GABRA5: variants seen among roughly 807,000 people sequenced by gnomAD.
The protein encoded by GABRA5 is gamma-aminobutyric acid type A receptor subunit alpha5, also known as gamma-aminobutyric acid receptor subunit alpha-5.
In GABRA5, 18 loss-of-function variants were observed where a neutral mutation model predicts 47.3. That is an observed-to-expected ratio of 0.38 (90% CI 0.26 to 0.56). The LOEUF is 0.56. GABRA5 is among the 20% of genes least tolerant of loss of function. GABRA5 has a pLI of 0.71. For synonymous variants in GABRA5, 237 were observed against 229.3 expected (o/e 1.03, Z -0.30); for missense variants, 365 against 599.3 (o/e 0.61, Z 4.08).
intron 3 of GABRA5, among the ~76,000 whole-genome samples, chr15:26,870,894 T>C (rs1208078047): frequency 1.3e-5 from 2 of 152,196 alleles, no homozygotes; most frequent in African/African-American, 4.8e-5. Flanking sequence ...ATATTTTCTT[T>C]AAAATATCTT....
chr15:26,932,627 G>C (rs1022407714), intron 7 of GABRA5, among the ~76,000 whole-genome samples: 6 of 152,064 alleles, frequency 3.9e-5, no homozygotes, highest in African/African-American at 1.2e-4. Context: ...ATATACAAAG[G>C]AATATAAATC....
chr15:26,897,375 G>A (rs886685436), intron 6 of GABRA5, among the ~76,000 whole-genome samples: 2 of 152,136 alleles, frequency 1.3e-5, no homozygotes, highest in Non-Finnish European at 2.9e-5. Context: ...CACAGGGAGA[G>A]GACAGCCATC....
chr15:26,884,284 G>A (rs1892821048), intron 6 of GABRA5, among the ~76,000 whole-genome samples: 1 of 152,080 alleles, frequency 6.6e-6, no homozygotes, highest in South Asian at 2.1e-4. Context: ...CACATGCTTG[G>A]ATAACATTCC....
intron 6 of GABRA5, among the ~76,000 whole-genome samples, chr15:26,891,154 G>C (rs1254719846): frequency 6.6e-6 from 1 of 152,136 alleles, no homozygotes; most frequent in South Asian, 2.1e-4. Flanking sequence ...CCATGCTTTG[G>C]ACTCTCGGGC....
At position 26,943,436 on chromosome 15, in the gene GABRA5, A is replaced by G. The variant is rs548961867; in HGVS notation, c.1089+10A>G. On this transcript the variant is annotated intron_variant, in intron 10 of 10. Coordinates refer to ENST00000335625, the MANE Select transcript of GABRA5 (RefSeq NM_000810.4). ...AGCAGCCAAGATCAAGGTACTGACT[A>G]TTTCTCCTCCTTTCTTCCAGGTCCC... The G allele has an allele frequency of 4.5e-6, 7 of 1,572,544 alleles. No individual in the cohort carries two copies. The South Asian group carries it at 4.7e-5, about 11-fold the overall frequency.
At chr15:26,932,954 T>TG (rs746715298) in intron 7 of GABRA5, among the ~76,000 whole-genome samples, 2 of 151,596 alleles carry the variant, frequency 1.3e-5, no homozygotes, top group African/African-American at 2.4e-5. Flanking sequence ...GGTGGGGTAG[T>TG]GCGGGGAGGG....
chr15:26,937,613 A>G (rs1210416197), intron 8 of GABRA5, among the ~76,000 whole-genome samples: 1 of 152,210 alleles, frequency 6.6e-6, no homozygotes, highest in Non-Finnish European at 1.5e-5. Flanking sequence ...TAAGCAGGAA[A>G]GGTAGACAGC....
chr15:26,939,453 G>T (rs777695935), intron 8 of GABRA5: 2 of 759,878 alleles, frequency 2.6e-6, no homozygotes, highest in South Asian at 2.7e-5. Context: ...CTGCACCTGC[G>T]ACACAGCCAG....
chr15:26,930,546 T>A (rs1169360902), intron 7 of GABRA5, among the ~76,000 whole-genome samples: 5 of 152,196 alleles, frequency 3.3e-5, no homozygotes, highest in African/African-American at 1.2e-4. Context: ...CAGTTTCCAA[T>A]AACATGTTCC....
chr15:26,871,863 G>T (rs1042723471), intron 3 of GABRA5, among the ~76,000 whole-genome samples: 2 of 152,208 alleles, frequency 1.3e-5, no homozygotes, highest in African/African-American at 4.8e-5. Flanking sequence ...TTCCTGTAGT[G>T]AACGTATTTG....
chr15:26,917,070 T>C (rs1893733341), intron 7 of GABRA5, among the ~76,000 whole-genome samples: 1 of 152,126 alleles, frequency 6.6e-6, no homozygotes, highest in Non-Finnish European at 1.5e-5. Flanking sequence ...TTTCCTTTTC[T>C]TGTTGAATCG....
Position 26,940,091 on chromosome 15 carries a change from A to C in GABRA5, c.877+14A>C. ...GGACAGTTTTTGGTGAGTGTCCCCA[A>C]GCCAGGCCTGGACACTGGTGTTTTG... On this transcript the variant is annotated intron_variant, in intron 9 of 10. Transcript: ENST00000335625. The C allele has an allele frequency of 6.2e-7, 1 of 1,605,456 alleles. No individual in the cohort carries two copies. The highest frequency in any genetic ancestry group is 2.2e-5 in the East Asian group (1 of 44,600).
chr15:26,893,047 G>A (rs1893051140), intron 6 of GABRA5, among the ~76,000 whole-genome samples: 1 of 151,342 alleles, frequency 6.6e-6, no homozygotes, highest in African/African-American at 2.4e-5. Flanking sequence ...GGAGTGTGGT[G>A]TGTCTGTTGT....
Position 26,883,581 on chromosome 15 carries a change from G to T in GABRA5, c.497+24G>T. 1 of 1,462,896 alleles carries T rather than the reference G, an allele frequency of 6.8e-7. No individual in the cohort carries two copies. The allele number at this position is 1,462,896 out of a possible 1,614,324, so 90.6% of individuals were successfully genotyped here. On this transcript the variant is annotated intron_variant, in intron 6 of 10. Transcript: ENST00000335625. The surrounding 1 kb of genome is among the most constrained non-coding windows in gnomAD (Gnocchi z 4.8). ...CGGTGAGCGCCGGGCGGGGGCGGGC[G>T]GGGCCGGGGGACGGTGCGGGGCAGG...
intron 6 of GABRA5, among the ~76,000 whole-genome samples, chr15:26,884,503 TA>T (rs942264306): frequency 2.6e-5 from 4 of 151,964 alleles, no homozygotes; most frequent in South Asian, 2.1e-4. Context: ...AAAGTCAAGT[TA>T]AAAAAAAGGA....
intron 6 of GABRA5, among the ~76,000 whole-genome samples, chr15:26,896,963 A>G (rs1346762126): frequency 1.5e-5 from 1 of 66,764 alleles, no homozygotes; most frequent in Non-Finnish European, 3.7e-5. Context: ...ACAGATGTAG[A>G]GAAAAAAATC....
intron 7 of GABRA5, among the ~76,000 whole-genome samples, chr15:26,930,180 T>C (rs926815978): frequency 9.9e-5 from 15 of 151,926 alleles, no homozygotes; most frequent in African/African-American, 3.6e-4. Flanking sequence ...GCCTGGCTAA[T>C]TTTTGTATTT....
At chr15:26,876,791 G>A (rs764271825) in intron 3 of GABRA5, among the ~76,000 whole-genome samples, 9 of 152,298 alleles carry the variant, frequency 5.9e-5, no homozygotes, top group East Asian at 3.9e-4. Flanking sequence ...GTATTAGAGC[G>A]GATGTGCTTG....
At chr15:26,894,188 A>G (rs1893117631) in intron 6 of GABRA5, among the ~76,000 whole-genome samples, 1 of 152,128 alleles carries the variant, frequency 6.6e-6, no homozygotes, top group Non-Finnish European at 1.5e-5. Context: ...CCTCACTTGG[A>G]CAAAGGTGGA....
Sources: gnomAD v4.1 joint callset for allele counts (sites outside exome capture counted in the v4.1 genomes callset) on GRCh38, gnomAD v4.1.1 for gene constraint, Gnocchi (gnomAD v3.1) non-coding constraint, MANE v1.5 for transcripts, NCBI Gene and HGNC (gene_info 2026-07-23, HGNC 2026-07-21) for gene names.